CD96: variants seen among roughly 807,000 people sequenced by gnomAD.
The protein encoded by CD96 is CD96 molecule.
In CD96, 70 loss-of-function variants were observed where a neutral mutation model predicts 71.3. The ratio of observed to expected loss-of-function variants is 0.98; its 90% CI spans 0.81 to 1.20. The LOEUF (loss-of-function observed/expected upper bound fraction) is 1.20. Ranked by LOEUF, CD96 falls within the 50% of genes most tolerant of loss-of-function variation. The pLI is 0.00. For synonymous variants in CD96, 248 were observed against 233.0 expected, an observed-to-expected ratio of 1.06 and a Z score of -0.59; for missense variants, 742 against 677.5, an observed-to-expected ratio of 1.10 and a Z score of -1.06.
chr3:111,605,416 A>T (rs1576379557), intron 7 of CD96, among the ~76,000 whole-genome samples: 6 of 152,260 alleles, frequency 3.9e-5, no homozygotes, highest in Admixed American at 2.0e-4. Flanking sequence ...GATAGAGGGG[A>T]TTATTTGAGA....
downstream of CD96, among the ~76,000 whole-genome samples, chr3:111,652,979 C>G (rs1275817003): frequency 1.3e-5 from 2 of 151,992 alleles, no homozygotes; most frequent in African/African-American, 4.8e-5. Context: ...ATGTTTGTCA[C>G]TCATTTCCAA....
Position 111,579,088 on chromosome 3 carries a change from T to A in CD96, c.605T>A (p.Leu202Ter). Residue 202 changes from leucine to a stop codon, truncating the protein, a stop_gained, in exon 4 of 14, where the codon TTA becomes TAA. Coordinates refer to ENST00000352690, the MANE Select transcript of CD96 (RefSeq NM_005816.5). LOFTEE classifies it high-confidence loss of function. ...AATCACCTCATCAGCAATTCCACAT[T>A]ACTTAAAGATAGAGTCAAGCTTGGT... ...SQNHLISNST[L>*]LKDRVKLGTD... The A allele has an allele frequency of 6.2e-7, 1 of 1,607,680 alleles. No individual in the cohort carries two copies. Among genetic ancestry groups the A allele is most frequent in the Non-Finnish European group, 8.5e-7 (1 of 1,174,070 alleles).
At chr3:111,646,639 G>A (rs1939841576) in intron 12 of CD96, among the ~76,000 whole-genome samples, 1 of 151,686 alleles carries the variant, frequency 6.6e-6, no homozygotes, top group Non-Finnish European at 1.5e-5. Flanking sequence ...TTCAGCCATT[G>A]TGGAAAGCAG....
intron 8 of CD96, among the ~76,000 whole-genome samples, chr3:111,623,544 C>A (rs112854909): frequency 1.3e-5 from 2 of 152,090 alleles, no homozygotes; most frequent in African/African-American, 4.8e-5. Context: ...ATTAGGAAAC[C>A]GGGTTAATAG....
intron 10 of CD96, among the ~76,000 whole-genome samples, chr3:111,632,626 C>T (rs1939125399): frequency 2.6e-5 from 4 of 152,040 alleles, no homozygotes; most frequent in Admixed American, 2.6e-4. Flanking sequence ...GAGTGTATAC[C>T]CAAAGGAATA....
At chr3:111,634,956 A>G in intron 10 of CD96, 1 of 152,970 alleles carries the variant, frequency 6.5e-6, no homozygotes, top group East Asian at 1.9e-4. Flanking sequence ...AAGACTTTAA[A>G]AGGGCATACA....
chr3:111,585,695 C>T (rs576270829), intron 5 of CD96, among the ~76,000 whole-genome samples: 1 of 152,262 alleles, frequency 6.6e-6, no homozygotes, highest in South Asian at 2.1e-4. Context: ...GGGCAGAAAG[C>T]AGTGTGAGCC....
At chr3:111,624,255 A>C (rs1938639484) in intron 9 of CD96, 78 bp from the exon 10 acceptor site, 1 of 958,512 alleles carries the variant, frequency 1.0e-6, no homozygotes, top group Admixed American at 1.7e-5. Context: ...ACATAGATTA[A>C]AAATTCTGTG....
intron 2 of CD96, among the ~76,000 whole-genome samples, chr3:111,547,914 C>A (rs983902219): frequency 6.6e-6 from 1 of 152,162 alleles, no homozygotes; most frequent in Non-Finnish European, 1.5e-5. Context: ...TGGTACGGAG[C>A]TACAGAGTAG....
intron 14 of CD96, among the ~76,000 whole-genome samples, chr3:111,658,956 A>G (rs1397682505): frequency 6.6e-6 from 1 of 152,212 alleles, no homozygotes; most frequent in East Asian, 1.9e-4. Flanking sequence ...TAGTTTCAGT[A>G]GGATCGTGTC....
intron 14 of CD96, among the ~76,000 whole-genome samples, chr3:111,662,571 G>A (rs1940383853): frequency 6.6e-6 from 1 of 152,138 alleles, no homozygotes; most frequent in Admixed American, 6.5e-5. Context: ...TACTTGCTTT[G>A]CACTTAGAAA....
chr3:111,548,803 C>A (rs1281219280), intron 2 of CD96, among the ~76,000 whole-genome samples: 1 of 152,122 alleles, frequency 6.6e-6, no homozygotes, highest in Admixed American at 6.6e-5. Flanking sequence ...TGGTCTAAAA[C>A]ATGTTGTTAT....
Position 111,598,774 on chromosome 3 carries a change from A to G in CD96, c.898+564A>G, listed in dbSNP as rs1379817342. Among the ~76,000 whole-genome samples the G allele has an allele frequency of 2.6e-5, 4 of 152,198 alleles. No individual in the cohort carries two copies. In the East Asian group the frequency reaches 5.8e-4, roughly 22 times the overall value. ...TCCTGGAGGAGGAACACACATCAAG[A>G]CAAGCTCAGGTGAAAATTCACAAAG... On this transcript the variant is annotated intron_variant, in intron 6 of 13. Transcript: ENST00000352690.
intron 14 of CD96, among the ~76,000 whole-genome samples, chr3:111,657,793 T>G (rs1423513830): frequency 1.3e-5 from 2 of 152,082 alleles, no homozygotes; most frequent in African/African-American, 4.8e-5. Context: ...TATATGTGTG[T>G]GTGTGTGCAT....
intron 5 of CD96, among the ~76,000 whole-genome samples, chr3:111,588,603 C>G (rs1373880507): frequency 6.6e-6 from 1 of 152,166 alleles, no homozygotes; most frequent in Non-Finnish European, 1.5e-5. Context: ...AGTCCATTTT[C>G]ATACTACTGA....
At chr3:111,575,600 T>C (rs530051638) in intron 3 of CD96, among the ~76,000 whole-genome samples, 89 of 152,256 alleles carry the variant, frequency 5.8e-4, no homozygotes, top group Non-Finnish European at 1.1e-3. Flanking sequence ...TTTGTGCTGC[T>C]ACATGTAACA....
intron 10 of CD96, chr3:111,633,681 ACATT>A (rs1939184728): frequency 1.3e-5 from 2 of 152,508 alleles, no homozygotes; most frequent in African/African-American, 4.8e-5. Flanking sequence ...TATGAGGGCC[ACATT>A]TGTGGACCAG....
At chr3:111,653,459 C>T (rs889366333), downstream of CD96, among the ~76,000 whole-genome samples, 1 of 152,156 alleles carries the variant, frequency 6.6e-6, no homozygotes, top group Non-Finnish European at 1.5e-5. Context: ...TTTCTATTTT[C>T]TTTGGTTCAG....
intron 5 of CD96, among the ~76,000 whole-genome samples, chr3:111,596,161 C>CAA (rs11419938): frequency 7.0e-6 from 1 of 142,052 alleles, no homozygotes; most frequent in Middle Eastern, 3.3e-3. Context: ...GACTCTGTCT[C>CAA]AAAAAAATAA....
Sources: allele counts gnomAD v4.1 joint callset (sites outside exome capture counted in the v4.1 genomes callset), GRCh38; gene constraint gnomAD v4.1.1; transcripts MANE v1.5; gene names NCBI Gene and HGNC (gene_info 2026-07-23, HGNC 2026-07-21).